The following C3orf52 variants were observed in gnomAD, a reference collection of about 807,000 sequenced individuals.
The protein encoded by C3orf52 is TPA-induced transmembrane protein.
A neutral mutation model predicts 24.8 loss-of-function variants in C3orf52; 22 were observed. The ratio of observed to expected loss-of-function variants is 0.89; its 90% CI spans 0.63 to 1.27. The LOEUF (loss-of-function observed/expected upper bound fraction) is 1.27, where lower values mean the gene tolerates loss of function less well. C3orf52 is among the 50% of genes most tolerant of loss of function. The probability of loss-of-function intolerance (pLI) is 0.00; values close to 1 mark genes in which losing one functional copy is unlikely to be tolerated. For synonymous variants in C3orf52, 93 were observed against 100.2 expected (o/e 0.93, Z 0.43); for missense variants, 265 against 260.7 (o/e 1.02, Z -0.11).
chr3:112,134,968 T>G (rs2074535799), downstream of C3orf52: 1 of 154,792 alleles, frequency 6.5e-6, no homozygotes, highest in Non-Finnish European at 1.5e-5. Context: ...GAGCAAAAGG[T>G]GGGGGAGGTG....
chr3:112,127,428 CAAAT>C (rs1324589356), intron 4 of C3orf52, among the ~76,000 whole-genome samples: 1 of 144,348 alleles, frequency 6.9e-6, no homozygotes, highest in Non-Finnish European at 1.5e-5. Context: ...AACAAACAAA[CAAAT>C]AAACACACTC....
downstream of C3orf52, chr3:112,133,367 A>G (rs2074505025): frequency 4.5e-6 from 2 of 441,744 alleles, no homozygotes; most frequent in South Asian, 7.5e-5. Context: ...GTTGGCCATA[A>G]CCAGCAACTA....
In C3orf52 at chr3:112,109,842, A is replaced by G. The variant is rs2074061077; in HGVS notation, c.467+229A>G. On this transcript the variant is annotated intron_variant, in intron 4 of 5. Coordinates refer to ENST00000264848, the MANE Select transcript of C3orf52 (RefSeq NM_024616.3). ...CCCAGATTAATGGTATAATTCAACC[A>G]GGGTCACACAGAAGAGGGGAAAAGC... is the stretch of plus-strand genomic sequence containing the variant. The G allele has an allele frequency of 3.4e-5, 14 of 412,674 alleles. No individual in the cohort carries two copies. In the South Asian group the frequency reaches 5.0e-4, roughly 15 times the overall value. 25.6% of individuals were successfully genotyped at this position (412,674 alleles called of 1,614,324 possible).
intron 4 of C3orf52, chr3:112,125,273 C>G (rs899095925): frequency 6.5e-7 from 1 of 1,543,140 alleles, no homozygotes; most frequent in Non-Finnish European, 9.0e-7. Context: ...AGAAAATACA[C>G]TCAATGAATT....
At chr3:112,132,437 G>A (rs560055341), downstream of C3orf52, among the ~76,000 whole-genome samples, 1 of 152,300 alleles carries the variant, frequency 6.6e-6, no homozygotes, top group Admixed American at 6.5e-5. Context: ...TATTAAGGAA[G>A]ATGATGGTCA....
In C3orf52 at chr3:112,109,568, C is replaced by T. The variant is rs1408841134; in HGVS notation, c.422C>T (p.Pro141Leu). ...CTCACAGATGTGTACAGTACATCGC[C>T]CTCTCTGGGTCGTTATTTTACTTCA... ...ERLTDVYSTS[P>L]SLGRYFTSVE... Residue 141 changes from proline to leucine, a missense_variant, in exon 4 of 6, where the codon CCC becomes CTC. Physicochemically the swap from Pro to Leu is moderately conservative, Grantham distance 98. Transcript: ENST00000264848. The T allele has an allele frequency of 5.0e-6, 8 of 1,602,444 alleles. No homozygotes were observed. Among genetic ancestry groups the T allele is most frequent in the East Asian group, 2.2e-5 (1 of 44,824 alleles).
intron 4 of C3orf52, among the ~76,000 whole-genome samples, chr3:112,110,282 T>C (rs1017754903): frequency 2.6e-5 from 4 of 151,986 alleles, no homozygotes; most frequent in African/African-American, 7.2e-5. Context: ...TGAGCCGAGA[T>C]TGCGCCACTG....
chr3:112,115,499 A>G (rs888172889), intron 5 of C3orf52, among the ~76,000 whole-genome samples: 3 of 152,154 alleles, frequency 2.0e-5, no homozygotes, highest in Non-Finnish European at 2.9e-5. Flanking sequence ...TAATGTTCTT[A>G]GTCTTCAAAG....
chr3:112,107,503 A>G (rs1372120587), intron 3 of C3orf52, among the ~76,000 whole-genome samples: 1 of 152,136 alleles, frequency 6.6e-6, no homozygotes, highest in African/African-American at 2.4e-5. Flanking sequence ...AGTTTTTGTC[A>G]CTTTAAGCTT....
At chr3:112,106,430 G>A (rs1386598892) in intron 3 of C3orf52, among the ~76,000 whole-genome samples, 1 of 152,088 alleles carries the variant, frequency 6.6e-6, no homozygotes, top group East Asian at 1.9e-4. Flanking sequence ...GCTGCGGCTT[G>A]GTCTTTCTGA....
At chr3:112,097,568 G>T (rs1679739150) in intron 2 of C3orf52, among the ~76,000 whole-genome samples, 1 of 152,148 alleles carries the variant, frequency 6.6e-6, no homozygotes, top group Admixed American at 6.5e-5. Flanking sequence ...ATGTCATGTG[G>T]TTCTGGCAGA....
downstream of C3orf52, among the ~76,000 whole-genome samples, chr3:112,118,537 A>G (rs2107793187): frequency 6.6e-6 from 1 of 152,374 alleles, no homozygotes; most frequent in Non-Finnish European, 1.5e-5. Context: ...GAAAGCACCA[A>G]GATGCAAGTA....
intron 3 of C3orf52, among the ~76,000 whole-genome samples, chr3:112,105,889 C>G (rs374681541): frequency 1.3e-5 from 2 of 151,872 alleles, no homozygotes; most frequent in African/African-American, 4.8e-5. Context: ...TGCTTCTGAC[C>G]AACCAGCTGC....
At chr3:112,135,102 C>T (rs73853320), downstream of C3orf52, 2,438 of 154,898 alleles carry the variant, frequency 0.016, 59 homozygotes, top group African/African-American at 0.054. Context: ...GGGTGCACTT[C>T]ACTGCACATA....
At chr3:112,099,929 G>A (rs2073956885) in intron 2 of C3orf52, among the ~76,000 whole-genome samples, 1 of 152,136 alleles carries the variant, frequency 6.6e-6, no homozygotes, top group South Asian at 2.1e-4. Flanking sequence ...TATTTCTGTT[G>A]GAGAAGTAGC....
intron 1 of C3orf52, among the ~76,000 whole-genome samples, chr3:112,088,706 T>C (rs1051587003): frequency 1.5e-4 from 23 of 152,324 alleles, no homozygotes; most frequent in Admixed American, 1.2e-3. Flanking sequence ...GCATTTAATT[T>C]AAATATGTTA....
In C3orf52 at chr3:112,127,602, G is replaced by C. The variant is rs186884061; in HGVS notation, c.*47-631G>C. On this transcript the variant is annotated intron_variant, in intron 4 of 4. Transcript: ENST00000480282. The stretch of plus-strand genomic sequence containing the variant: ...TGAAGGTCATTATCAATCACTTAGC[G>C]AGCTTTAACTATTTTTAGCATCCCT... Among the ~76,000 whole-genome samples the C allele has an allele frequency of 2.5e-3, 384 of 152,272 alleles. 2 individuals carry two copies. Among genetic ancestry groups the C allele is most frequent in the Middle Eastern group, 6.8e-3 (2 of 294 alleles).
In C3orf52 at chr3:112,116,850, G is replaced by C; in HGVS notation, c.*204G>C. On this transcript the variant is annotated 3_prime_UTR_variant, in exon 6 of 6. Coordinates refer to ENST00000264848, the MANE Select transcript of C3orf52 (RefSeq NM_024616.3). ...CAGCTCCCGAGCACTGCTTCAGCTGGGTCCAGTCTTGACAAAGGCAGGAAG... is the reference window on the plus strand; with the variant it reads ...CAGCTCCCGAGCACTGCTTCAGCTGCGTCCAGTCTTGACAAAGGCAGGAAG... 1 of 1,537,504 alleles carries C rather than the reference G, an allele frequency of 6.5e-7. No individual in the cohort carries two copies. The highest frequency in any genetic ancestry group is 8.7e-7 in the Non-Finnish European group (1 of 1,146,900).
intron 1 of C3orf52, among the ~76,000 whole-genome samples, chr3:112,088,941 T>C (rs922660267): frequency 4.0e-5 from 6 of 151,792 alleles, no homozygotes; most frequent in Non-Finnish European, 8.8e-5. Flanking sequence ...GGTGGGAGAG[T>C]GAACAAAAGC....
Sources: allele counts gnomAD v4.1 joint callset (sites outside exome capture counted in the v4.1 genomes callset), GRCh38; gene constraint gnomAD v4.1.1; transcripts MANE v1.5; gene names NCBI Gene and HGNC (gene_info 2026-07-23, HGNC 2026-07-21).